Variants in RPTOR observed in about 807,000 individuals in gnomAD.
The protein encoded by RPTOR is regulatory associated protein of MTOR complex 1, also known as regulatory-associated protein of mTOR.
In RPTOR, 21 loss-of-function variants were observed where a neutral mutation model predicts 169.9. That is an observed-to-expected ratio of 0.12 (90% CI 0.09 to 0.18). The LOEUF (loss-of-function observed/expected upper bound fraction) is 0.18, where lower values mean the gene tolerates loss of function less well. Among genes scored for constraint, RPTOR ranks in the 10% least tolerant of loss-of-function variants. RPTOR has a pLI of 1.00. For missense variants in RPTOR, 1,133 were observed against 1,855.9 expected (o/e 0.61, Z 7.16); for synonymous variants, 732 against 753.2 (o/e 0.97, Z 0.46).
chr17:80,867,821 A>T (rs1357503941), intron 13 of RPTOR, among the ~76,000 whole-genome samples: 4 of 152,262 alleles, frequency 2.6e-5, no homozygotes, highest in African/African-American at 4.8e-5. Flanking sequence ...GGTGGGCAAG[A>T]TCTGTACACC....
chr17:80,745,964 C>A (rs981966358), intron 5 of RPTOR, among the ~76,000 whole-genome samples: 2 of 152,332 alleles, frequency 1.3e-5, no homozygotes, highest in Admixed American at 6.5e-5. Flanking sequence ...GAGTTTGAGA[C>A]TAGCCTGGCC....
Position 80,845,400 on chromosome 17 carries a change from C to G in RPTOR, c.1213-1073C>G, listed in dbSNP as rs1473553597. Among the ~76,000 whole-genome samples the G allele has an allele frequency of 1.3e-5, 2 of 152,200 alleles. No homozygotes were observed. The highest frequency in any genetic ancestry group is 2.9e-5 in the Non-Finnish European group (2 of 68,028). On this transcript the variant is annotated intron_variant, in intron 10 of 33. Coordinates refer to ENST00000306801, the MANE Select transcript of RPTOR (RefSeq NM_020761.3). This position sits in a 1 kb window ranked among gnomAD's most constrained non-coding sequence, Gnocchi z 5.4. ...GCAACCCCTCCTCCCGCCCTCACCC[C>G]AGAGAGTACCCTCGTTTCCCATTTC...
At chr17:80,938,653 C>A (rs1272545677) in intron 24 of RPTOR, among the ~76,000 whole-genome samples, 1 of 152,180 alleles carries the variant, frequency 6.6e-6, no homozygotes. Flanking sequence ...TTTGTGGTTA[C>A]TGTTTCCGGG....
chr17:80,742,647 A>G (rs1458020783), intron 5 of RPTOR, among the ~76,000 whole-genome samples: 1 of 150,844 alleles, frequency 6.6e-6, no homozygotes, highest in Non-Finnish European at 1.5e-5. Context: ...ACATGTCCAC[A>G]CATATAAACA....
intron 11 of RPTOR, 48 bp from the exon 12 acceptor site, chr17:80,855,416 C>A: frequency 7.0e-7 from 1 of 1,426,830 alleles, no homozygotes; most frequent in Non-Finnish European, 9.9e-7. Flanking sequence ...TTCGGGGTTG[C>A]ACACCAGTAT....
At chr17:80,849,992 T>G (rs997276300) in intron 11 of RPTOR, among the ~76,000 whole-genome samples, 3 of 152,212 alleles carry the variant, frequency 2.0e-5, no homozygotes, top group Non-Finnish European at 4.4e-5. Context: ...GGGGAGAAAG[T>G]GACTTTTCTT....
At chr17:80,740,722 CA>C (rs113920656) in intron 5 of RPTOR, among the ~76,000 whole-genome samples, 83 of 146,844 alleles carry the variant, frequency 5.7e-4, no homozygotes, top group African/African-American at 1.9e-3. Context: ...AGAAAACAAA[CA>C]AAAAAAAAAC....
chr17:80,567,282 GTTTTA>G (rs771978751), intron 1 of RPTOR, among the ~76,000 whole-genome samples: 4 of 150,622 alleles, frequency 2.7e-5, no homozygotes, highest in Non-Finnish European at 4.4e-5. Context: ...ATACCTTTTT[GTTTTA>G]TTTTATTTTT....
chr17:80,586,474 CA>C, intron 1 of RPTOR, among the ~76,000 whole-genome samples: 1 of 152,232 alleles, frequency 6.6e-6, no homozygotes, highest in East Asian at 1.9e-4. Flanking sequence ...GTTTCTGTTT[CA>C]AAAAAGTAAC....
chr17:80,821,622 T>G (rs573421508), intron 7 of RPTOR, among the ~76,000 whole-genome samples: 291 of 152,276 alleles, frequency 1.9e-3, no homozygotes, highest in African/African-American at 6.6e-3. Flanking sequence ...CTGCCGTCAC[T>G]TGCCACCTCT....
rs199802162 is a variant in RPTOR, at chr17:80,665,520, TTTCCATGTCC to T, written c.348+21713_348+21722del. On this transcript the variant is annotated intron_variant, in intron 3 of 33. Coordinates refer to ENST00000306801, the MANE Select transcript of RPTOR (RefSeq NM_020761.3). ...TTCCTTTCCATGTCCTTTCCTTTCC[TTTCCATGTCC>T]TTTCCTTTCCTTTTCCTTTCCCCTT... is the stretch of plus-strand genomic sequence containing the variant. 2.1e-3 allele frequency among the ~76,000 whole-genome samples: 167 copies of T among 78,820 alleles called. 28 individuals are homozygous for T. The highest frequency in any genetic ancestry group is 5.7e-3 in the Middle Eastern group (1 of 176). The allele number at this position is 78,820 out of a possible 152,430, so 51.7% of individuals were successfully genotyped here.
chr17:80,702,759 T>G (rs1333982774), intron 3 of RPTOR, among the ~76,000 whole-genome samples: 1 of 152,174 alleles, frequency 6.6e-6, no homozygotes, highest in East Asian at 1.9e-4. Flanking sequence ...AATCCTTAAT[T>G]TTATTGGTGT....
At chr17:80,751,176 C>T (rs1272597671) in intron 5 of RPTOR, among the ~76,000 whole-genome samples, 1 of 152,180 alleles carries the variant, frequency 6.6e-6, no homozygotes, top group Admixed American at 6.5e-5. Flanking sequence ...GTGAATACAG[C>T]TCTGTGTGTA....
chr17:80,797,239 C>T (rs1365755232), intron 7 of RPTOR, among the ~76,000 whole-genome samples: 3 of 152,106 alleles, frequency 2.0e-5, no homozygotes, highest in Admixed American at 6.5e-5. Flanking sequence ...CTCAAGTGAT[C>T]CTCCCACCTC....
Position 80,964,300 on chromosome 17 carries a change from C to T in RPTOR, c.3978C>T (p.Ser1326=), listed in dbSNP as rs748057789. The part of the protein sequence containing the change: ...LAVGSNDYYI[S]VYSVEKRVR Reference sequence around the variant, plus strand: ...TGGGAAGCAACGACTACTACATCTCCGTGTACTCGGTGGAGAAGCGTGTCA... The same window carrying T: ...TGGGAAGCAACGACTACTACATCTCTGTGTACTCGGTGGAGAAGCGTGTCA... Residue 1326 remains serine (S), a synonymous_variant, in exon 34 of 34, where the codon TCC becomes TCT. Coordinates refer to ENST00000306801, the MANE Select transcript of RPTOR (RefSeq NM_020761.3). 24 of 1,608,778 alleles carry T rather than the reference C, an allele frequency of 1.5e-5. No homozygotes were observed. The highest frequency in any genetic ancestry group is 1.3e-4 in the Admixed American group (8 of 60,020).
At chr17:80,858,181 T>A in intron 13 of RPTOR, 1 of 463,582 alleles carries the variant, frequency 2.2e-6, no homozygotes, top group Non-Finnish European at 4.0e-6. Flanking sequence ...CCTGGTGCCC[T>A]GCACTCAGTC....
At chr17:80,885,296 T>C in intron 17 of RPTOR, 148 bp downstream of exon 17, 1 of 1,049,782 alleles carries the variant, frequency 9.5e-7, no homozygotes, top group Non-Finnish European at 1.3e-6. Flanking sequence ...CATGTTTCAT[T>C]CTCTTCAAGT....
intron 7 of RPTOR, among the ~76,000 whole-genome samples, chr17:80,814,348 A>G (rs1314259981): frequency 6.6e-6 from 1 of 152,202 alleles, no homozygotes; most frequent in Non-Finnish European, 1.5e-5. Flanking sequence ...AACCATTATT[A>G]ACACTTTGTG....
In RPTOR at chr17:80,689,516, T is replaced by C. The variant is rs114250483; in HGVS notation, c.349-18325T>C. Among the ~76,000 whole-genome samples, 1,364 of 152,342 alleles carry C rather than the reference T, an allele frequency of 9.0e-3. 18 individuals are homozygous for C. The highest frequency in any genetic ancestry group is 0.027 in the African/African-American group (1,134 of 41,574). On this transcript the variant is annotated intron_variant, in intron 3 of 33. Transcript: ENST00000306801. ...CTTTGTAAGCGCCAAGGATTGCTGT[T>C]ATGAGGAATTTACTAGATTTCAGGC...
Sources: allele counts gnomAD v4.1 joint callset (sites outside exome capture counted in the v4.1 genomes callset), GRCh38; gene constraint gnomAD v4.1.1; non-coding constraint Gnocchi (gnomAD v3.1); transcripts MANE v1.5; gene names NCBI Gene and HGNC (gene_info 2026-07-23, HGNC 2026-07-21).